The following MAF variants were observed in gnomAD, a reference collection of about 807,000 sequenced individuals.
MAF encodes transcription factor Maf.
Under a neutral mutation model 22.0 loss-of-function variants are expected in MAF, and 10 were observed. The observed-to-expected ratio is 0.45, with a 90% CI of 0.28 to 0.77. The LOEUF (loss-of-function observed/expected upper bound fraction) is 0.77. Among genes scored for constraint, MAF ranks in the 30% least tolerant of loss-of-function variants. The pLI is 0.12. For synonymous variants in MAF, 337 were observed against 255.8 expected (o/e 1.32, Z -3.03); for missense variants, 544 against 548.4 (o/e 0.99, Z 0.08).
At chr16:79,448,129 T>C in the MAF span, among the ~76,000 whole-genome samples, 1,995 of 152,234 alleles carry the variant, frequency 0.013, 52 homozygotes, top group African/African-American at 0.046. Context: ...TTGATTCCAG[T>C]TTTGAAAGGA....
the MAF span, among the ~76,000 whole-genome samples, chr16:79,495,520 C>T: frequency 8.1e-3 from 1,239 of 152,252 alleles, 21 homozygotes; most frequent in African/African-American, 0.029. Context: ...GTTTTAGAAG[C>T]TCTCATGCCA....
the MAF span, among the ~76,000 whole-genome samples, chr16:79,260,562 A>C: frequency 4.2e-3 from 647 of 152,242 alleles, 3 homozygotes; most frequent in Non-Finnish European, 6.3e-3. Flanking sequence ...GGATTTCACC[A>C]TTTTAAAATT....
At chr16:79,429,713 TGGAAAA>T in the MAF span, among the ~76,000 whole-genome samples, 1 of 152,114 alleles carries the variant, frequency 6.6e-6, no homozygotes, top group East Asian at 1.9e-4. Flanking sequence ...AGGGAGTTGC[TGGAAAA>T]GGAAAAAAAC....
the MAF span, among the ~76,000 whole-genome samples, chr16:79,243,859 T>C: frequency 1.3e-5 from 2 of 151,996 alleles, no homozygotes; most frequent in Non-Finnish European, 2.9e-5. Context: ...ATCAAAAAGG[T>C]TGCCAACCAC....
chr16:79,460,128 G>A, the MAF span, among the ~76,000 whole-genome samples: 106 of 151,824 alleles, frequency 7.0e-4, 2 homozygotes, highest in Admixed American at 6.7e-3. Context: ...TTTCATTTTC[G>A]AAAGTGTTGC....
chr16:79,333,744 C>T, the MAF span, among the ~76,000 whole-genome samples: 1 of 152,182 alleles, frequency 6.6e-6, no homozygotes, highest in Non-Finnish European at 1.5e-5. Flanking sequence ...CAGATCCCAA[C>T]ACCTCACCTG....
At chr16:79,340,815 A>T in the MAF span, among the ~76,000 whole-genome samples, 1 of 152,128 alleles carries the variant, frequency 6.6e-6, no homozygotes, top group Non-Finnish European at 1.5e-5. Context: ...GTCCCCTGGG[A>T]AGCAAATCGC....
At chr16:79,494,853 G>C in the MAF span, among the ~76,000 whole-genome samples, 1 of 152,172 alleles carries the variant, frequency 6.6e-6, no homozygotes, top group Non-Finnish European at 1.5e-5. Flanking sequence ...TAAATTGGGG[G>C]TTCCCAAGAC....
the MAF span, among the ~76,000 whole-genome samples, chr16:79,311,997 C>T: frequency 6.6e-6 from 1 of 152,130 alleles, no homozygotes; most frequent in African/African-American, 2.4e-5. Flanking sequence ...AAGTCCACTT[C>T]CCCACTGGGC....
the MAF span, among the ~76,000 whole-genome samples, chr16:79,449,985 T>C: frequency 1.3e-5 from 2 of 152,238 alleles, no homozygotes; most frequent in African/African-American, 2.4e-5. Context: ...TAGTTTGGAA[T>C]TGACAGACGC....
the MAF span, among the ~76,000 whole-genome samples, chr16:79,256,291 TAG>T: frequency 1.3e-5 from 2 of 151,930 alleles, no homozygotes; most frequent in Non-Finnish European, 2.9e-5. Context: ...CCCGGCCAGC[TAG>T]AGAGATGTCT....
chr16:79,353,715 G>T, the MAF span, among the ~76,000 whole-genome samples: 1 of 152,096 alleles, frequency 6.6e-6, no homozygotes, highest in Non-Finnish European at 1.5e-5. Context: ...GAGGGTAAGG[G>T]ACTTGGCTAA....
the MAF span, among the ~76,000 whole-genome samples, chr16:79,538,670 A>G: frequency 6.6e-6 from 1 of 152,184 alleles, no homozygotes; most frequent in Admixed American, 6.5e-5. Flanking sequence ...AATTGCTGGG[A>G]GAAATCACCT....
At chr16:79,455,232 G>A in the MAF span, among the ~76,000 whole-genome samples, 610 of 152,208 alleles carry the variant, frequency 4.0e-3, 5 homozygotes, top group African/African-American at 0.014. Flanking sequence ...GTGAAGCCAT[G>A]GTATATTCCA....
At chr16:79,296,153 C>A in the MAF span, among the ~76,000 whole-genome samples, 1 of 152,192 alleles carries the variant, frequency 6.6e-6, no homozygotes, top group Non-Finnish European at 1.5e-5. Context: ...GTAAATTCTT[C>A]CTCATAGATC....
chr16:79,406,770 A>T, the MAF span, among the ~76,000 whole-genome samples: 8 of 152,172 alleles, frequency 5.3e-5, no homozygotes, highest in South Asian at 2.1e-4. Context: ...CGTAAAACGG[A>T]TGCATTACCT....
At chr16:79,510,149 CTG>C in the MAF span, among the ~76,000 whole-genome samples, 1 of 152,200 alleles carries the variant, frequency 6.6e-6, no homozygotes, top group Non-Finnish European at 1.5e-5. Context: ...GGTACAACAA[CTG>C]TGTTTATCCC....
the MAF span, chr16:79,206,659 A>AC: frequency 6.6e-6 from 1 of 152,246 alleles, no homozygotes; most frequent in South Asian, 2.1e-4. Context: ...TGGAGTAGAC[A>AC]TCTCTGTTCT....
At chr16:79,596,512 T>C in intron 1 of MAF, 1 of 1,050,316 alleles carries the variant, frequency 9.5e-7, no homozygotes, top group Non-Finnish European at 1.1e-6. Flanking sequence ...TTGTAGATTA[T>C]TCTTTTCTTG....
Sources: allele counts gnomAD v4.1 joint callset (sites outside exome capture counted in the v4.1 genomes callset), GRCh38; gene constraint gnomAD v4.1.1; transcripts MANE v1.5; gene names NCBI Gene and HGNC (gene_info 2026-07-23, HGNC 2026-07-21).